Variants in COL12A1 observed in about 807,000 individuals in gnomAD.
COL12A1 encodes the protein collagen alpha-1(XII) chain.
A neutral mutation model predicts 349.7 loss-of-function variants in COL12A1; 114 were observed. The ratio of observed to expected loss-of-function variants is 0.33; its 90% CI spans 0.28 to 0.38. The LOEUF is 0.38. Among genes scored for constraint, COL12A1 ranks in the 10% least tolerant of loss-of-function variants. The pLI, the probability that COL12A1 is intolerant of heterozygous loss-of-function variation, is 1.00. For missense variants in COL12A1, 3,284 were observed against 3,756.9 expected (o/e 0.87, Z 3.29); for synonymous variants, 1,369 against 1,329.0 (o/e 1.03, Z -0.66).
intron 8 of COL12A1, among the ~76,000 whole-genome samples, chr6:75,186,490 A>G (rs1323521741): frequency 6.6e-6 from 1 of 152,220 alleles, no homozygotes; most frequent in Non-Finnish European, 1.5e-5. Context: ...GAGGTAGTGG[A>G]GAAAAAGGAA....
In COL12A1 at chr6:75,151,129, G is replaced by C; in HGVS notation, c.4147+12C>G. 6.4e-7 allele frequency: 1 copy of C among 1,564,616 alleles called. No individual in the cohort carries two copies. The highest frequency in any genetic ancestry group is 8.7e-7 in the Non-Finnish European group (1 of 1,152,682). On this transcript the variant is annotated intron_variant, in intron 21 of 65. Transcript: ENST00000322507. The stretch of plus-strand genomic sequence containing the variant: ...GCAGTGCTGAGGGAGAGAAACTCTG[G>C]GTTAAACTTACCTGGACCTTTGACA...
chr6:75,200,196 GC>G (rs1770455096), intron 2 of COL12A1, among the ~76,000 whole-genome samples: 1 of 152,030 alleles, frequency 6.6e-6, no homozygotes. Context: ...CCCTTCAAAG[GC>G]CCCTAGCACC....
Position 75,130,916 on chromosome 6 carries a change from G to A in COL12A1, c.6003C>T (p.Ser2001=), listed in dbSNP as rs762626921. 19 of 1,613,966 alleles carry A rather than the reference G, an allele frequency of 1.2e-5. No homozygotes were observed. The highest frequency in any genetic ancestry group is 1.4e-5 in the Non-Finnish European group (17 of 1,180,006). ...CCGAGTACAGAGCCACAAGGTTCAC[G>A]GAATAGAGTGTGTCCGGAATCAGCC... is the stretch of plus-strand genomic sequence containing the variant. ...LERLIPDTLY[S]VNLVALYSDG... The change falls in exon 36 of 66, where the codon TCC becomes TCT. Residue 2001 remains serine (S), a synonymous_variant. Transcript: ENST00000322507.
Position 75,105,341 on chromosome 6 carries a change from GA to G in COL12A1, c.8179-50del, listed in dbSNP as rs746578175. The G allele has an allele frequency of 2.5e-5, 35 of 1,425,182 alleles. No individual in the cohort carries two copies. The South Asian group carries it at 4.0e-4, about 16-fold the overall frequency. The allele number at this position is 1,425,182 out of a possible 1,614,324, so 88.3% of individuals were successfully genotyped here. A position where few individuals can be genotyped will look rare whatever the true frequency, so the allele number is the denominator to read the frequency against. On this transcript the variant is annotated intron_variant, in intron 53 of 65. Coordinates refer to ENST00000322507, the MANE Select transcript of COL12A1 (RefSeq NM_004370.6). ...ACCTTTAAATTTAGAGGAAAAAAAT[GA>G]CTTCCCATCCCCACCCCCACTTACA...
rs989772213 is a variant in COL12A1, at chr6:75,141,894, G to T, written c.4957+138C>A. 1.4e-5 allele frequency: 15 copies of T among 1,098,776 alleles called. No individual in the cohort carries two copies. In the Admixed American group the frequency reaches 3.8e-4, roughly 28 times the overall value. 68.1% of individuals were successfully genotyped at this position (1,098,776 alleles called of 1,614,324 possible). ...GACACCTTGTTACAAAAAAATAAGT[G>T]AAAAACAATCTATGAATCCAAGCAT... On this transcript the variant is annotated intron_variant, in intron 27 of 65. Coordinates refer to ENST00000322507, the MANE Select transcript of COL12A1 (RefSeq NM_004370.6).
intron 14 of COL12A1, among the ~76,000 whole-genome samples, chr6:75,157,109 T>A (rs2149425562): frequency 6.6e-6 from 1 of 152,272 alleles, no homozygotes; most frequent in African/African-American, 2.4e-5. Flanking sequence ...GAAAGCACTA[T>A]CTGTAAATAG....
chr6:75,172,707 C>T (rs1457269084), intron 13 of COL12A1, among the ~76,000 whole-genome samples: 1 of 152,162 alleles, frequency 6.6e-6, no homozygotes, highest in Non-Finnish European at 1.5e-5. Context: ...GTATTTAAGG[C>T]AATTTCTGTT....
At chr6:75,195,660 AG>A (rs1287407179) in intron 2 of COL12A1, among the ~76,000 whole-genome samples, 1 of 152,166 alleles carries the variant, frequency 6.6e-6, no homozygotes, top group East Asian at 1.9e-4. Flanking sequence ...GATATTCAAA[AG>A]TTTATTAAAC....
rs1016579591 is a variant in COL12A1 at position 75,174,550 on chromosome 6, T to C, written c.2710+488A>G. On this transcript the variant is annotated intron_variant, in intron 13 of 65. Transcript: ENST00000322507. Reference sequence around the variant, plus strand: ...CAGCCTGGGCGAAAGAGCGAGACTCTGTCTCACAAAAAAAAAGAAACTTGG... The same window carrying C: ...CAGCCTGGGCGAAAGAGCGAGACTCCGTCTCACAAAAAAAAAGAAACTTGG... 8.5e-5 allele frequency among the ~76,000 whole-genome samples: 13 copies of C among 152,066 alleles called. No individual in the cohort carries two copies. In the East Asian group the frequency reaches 1.2e-3, roughly 14 times the overall value.
At chr6:75,140,156 G>A (rs1486453163) in intron 27 of COL12A1, among the ~76,000 whole-genome samples, 1 of 152,092 alleles carries the variant, frequency 6.6e-6, no homozygotes, top group Non-Finnish European at 1.5e-5. Flanking sequence ...CTTTCTTCCT[G>A]ACTTCCTTTT....
At chr6:75,150,111 C>A (rs1238179662) in intron 21 of COL12A1, among the ~76,000 whole-genome samples, 1 of 152,094 alleles carries the variant, frequency 6.6e-6, no homozygotes, top group African/African-American at 2.4e-5. Context: ...CACATTGTTT[C>A]TTAAACTTAT....
Position 75,123,387 on chromosome 6 carries a change from C to A in COL12A1, c.6889G>T (p.Ala2297Ser). 1.3e-6 allele frequency: 2 copies of A among 1,590,616 alleles called. No homozygotes were observed. Among genetic ancestry groups the A allele is most frequent in the Non-Finnish European group, 1.7e-6 (2 of 1,168,358 alleles). ...GGAGGTGTGGGTGGCTCTGTAGGGG[C>A]TTCTGTTGGTTTCACAGCTAAAATT... ...KEHTTVKPTE[A>S]PTEPPTPPPP... Residue 2297 changes from alanine to serine, a missense_variant, in exon 43 of 66, where the codon GCC becomes TCC. Physicochemically the swap from Ala to Ser is moderately conservative, Grantham distance 99. Transcript: ENST00000322507.
chr6:75,109,634 A>G (rs1768731395), intron 51 of COL12A1, among the ~76,000 whole-genome samples: 1 of 152,128 alleles, frequency 6.6e-6, no homozygotes, highest in African/African-American at 2.4e-5. Flanking sequence ...TGCATACCAT[A>G]TAGATACCTC....
chr6:75,184,029 C>T lies in COL12A1; in HGVS notation c.1113G>A (p.Met371Ile). Residue 371 changes from methionine (M) to isoleucine (I), a missense_variant, in exon 9 of 66, where the codon ATG becomes ATA. By Grantham distance (10) the Met-to-Ile change is conservative. Coordinates refer to ENST00000322507, the MANE Select transcript of COL12A1 (RefSeq NM_004370.6). The stretch of plus-strand genomic sequence containing the variant: ...GAGCGTGCTGTCGGCTTCCTGCAGT[C>T]ATTGGTGTGAGGATGACTTTGTAGC... ...VTGYKVILTPMTAGSRQHALS... is the reference protein window; with the variant it reads ...VTGYKVILTPITAGSRQHALS... 1.9e-6 allele frequency: 3 copies of T among 1,614,148 alleles called. No individual in the cohort carries two copies. Among genetic ancestry groups the T allele is most frequent in the Non-Finnish European group, 2.5e-6 (3 of 1,180,010 alleles).
chr6:75,165,149 A>G (rs1346850429), intron 14 of COL12A1, among the ~76,000 whole-genome samples: 1 of 152,150 alleles, frequency 6.6e-6, no homozygotes, highest in East Asian at 1.9e-4. Context: ...CTGAGGCTCA[A>G]AGAAGGTTAA....
At chr6:75,107,003 A>C (rs1425881165) in intron 52 of COL12A1, among the ~76,000 whole-genome samples, 4 of 138,666 alleles carry the variant, frequency 2.9e-5, no homozygotes, top group African/African-American at 1.1e-4. Context: ...CCAGGTTCAA[A>C]TGCTTTTCGT....
In COL12A1 at chr6:75,121,267, C is replaced by T. The variant is rs619607; in HGVS notation, c.7086+35G>A. 51,363 of 1,525,428 alleles carry T rather than the reference C, an allele frequency of 0.034. 2,650 individuals are homozygous for T. The highest frequency in any genetic ancestry group is 0.19 in the African/African-American group (14,095 of 72,780). The allele number at this position is 1,525,428 out of a possible 1,614,324, so 94.5% of individuals were successfully genotyped here. A position where few individuals can be genotyped will look rare whatever the true frequency, so the allele number is the denominator to read the frequency against. ...GAAGTTCAAAGGAAAGGCAAGACAT[C>T]ACAAATGAGTAGCCACTGGCGGAAT... On this transcript the variant is annotated intron_variant, in intron 44 of 65. Transcript: ENST00000322507.
Position 75,177,878 on chromosome 6 carries a change from A to G in COL12A1, c.2222T>C (p.Ile741Thr). ...VTDETTDSFKITWTQAPGRVL... is the reference protein window; with the variant it reads ...VTDETTDSFKTTWTQAPGRVL... Reference sequence around the variant, plus strand: ...TCTCCCTGGAGCTTGAGTCCAAGTAATTTTGAAACTATCTGTAGTCTCATC... The same window carrying G: ...TCTCCCTGGAGCTTGAGTCCAAGTAGTTTTGAAACTATCTGTAGTCTCATC... Residue 741 changes from isoleucine to threonine, a missense_variant, in exon 12 of 66, where the codon ATT (isoleucine) becomes ACT (threonine). This residue lies in a region of COL12A1 where 2,601 missense variants were observed against 2,824.8 expected (regional missense o/e 0.92). Coordinates refer to ENST00000322507, the MANE Select transcript of COL12A1 (RefSeq NM_004370.6). 1 of 1,613,650 alleles carries G rather than the reference A, an allele frequency of 6.2e-7. No individual in the cohort carries two copies. Among genetic ancestry groups the G allele is most frequent in the Non-Finnish European group, 8.5e-7 (1 of 1,180,006 alleles).
At chr6:75,163,669 A>G (rs980793309) in intron 14 of COL12A1, among the ~76,000 whole-genome samples, 2 of 152,170 alleles carry the variant, frequency 1.3e-5, no homozygotes, top group African/African-American at 4.8e-5. Context: ...AATTTTAAAA[A>G]AAGTTAACTT....
Sources: gnomAD v4.1 joint callset for allele counts (sites outside exome capture counted in the v4.1 genomes callset) on GRCh38, gnomAD v4.1.1 for gene constraint, gnomAD v4.1.1 regional missense constraint, MANE v1.5 for transcripts, NCBI Gene and HGNC (gene_info 2026-07-23, HGNC 2026-07-21) for gene names.